SLCO6A1: variants seen among roughly 807,000 people sequenced by gnomAD.
SLCO6A1 encodes the protein cancer/testis antigen 48.
SLCO6A1 carries 65 observed loss-of-function variants against 72.7 expected under a neutral mutation model. The ratio of observed to expected loss-of-function variants is 0.89; its 90% CI spans 0.73 to 1.10. The LOEUF (loss-of-function observed/expected upper bound fraction) is 1.10, where lower values mean the gene tolerates loss of function less well. Ranked by LOEUF, SLCO6A1 falls within the 50% of genes least tolerant of loss-of-function variation. The pLI is 0.00. For missense variants in SLCO6A1, 874 were observed against 872.6 expected (o/e 1.00, Z -0.02); for synonymous variants, 314 against 298.2 (o/e 1.05, Z -0.55).
In SLCO6A1 at chr5:102,495,164, A is replaced by G. The variant is rs141893516; in HGVS notation, c.358+3323T>C. Among the ~76,000 whole-genome samples, 66 of 152,364 alleles carry G rather than the reference A, an allele frequency of 4.3e-4. No individual in the cohort carries two copies. In the East Asian group the frequency reaches 0.011, roughly 26 times the overall value. The stretch of plus-strand genomic sequence containing the variant: ...AAAAAACCAGAAACTGTATGATTCC[A>G]TGTTTATTAAATTCTAGGAAATGTA... On this transcript the variant is annotated intron_variant, in intron 1 of 13. Transcript: ENST00000506729.
chr5:102,407,177 C>G (rs796553952), intron 9 of SLCO6A1, among the ~76,000 whole-genome samples: 4 of 152,300 alleles, frequency 2.6e-5, no homozygotes, highest in African/African-American at 9.6e-5. Flanking sequence ...GCCATGTCAG[C>G]TTGCCATTGC....
intron 10 of SLCO6A1, 85 bp from the exon 11 acceptor site, chr5:102,391,130 T>C (rs962411651): frequency 7.6e-6 from 10 of 1,310,466 alleles, no homozygotes; most frequent in Admixed American, 1.8e-5. Flanking sequence ...TAATCATTTT[T>C]TTTTTCTGGT....
At chr5:102,419,337 A>G (rs1481266783) in intron 8 of SLCO6A1, among the ~76,000 whole-genome samples, 1 of 152,160 alleles carries the variant, frequency 6.6e-6, no homozygotes, top group Non-Finnish European at 1.5e-5. Flanking sequence ...TTGGTTTCCA[A>G]TTCCAGTTTT....
intron 4 of SLCO6A1, 49 bp from the exon 5 acceptor site, chr5:102,459,826 A>C: frequency 6.7e-7 from 1 of 1,488,200 alleles, no homozygotes; most frequent in Admixed American, 2.3e-5. Flanking sequence ...GTATTTGATT[A>C]CAACAAAACC....
intron 8 of SLCO6A1, among the ~76,000 whole-genome samples, chr5:102,417,970 G>A (rs911662961): frequency 6.7e-6 from 1 of 150,368 alleles, no homozygotes; most frequent in Non-Finnish European, 1.5e-5. Flanking sequence ...ACTCCAGCTT[G>A]GGTGACAAGA....
chr5:102,438,845 C>T, intron 6 of SLCO6A1, 84 bp from the exon 7 acceptor site: 1 of 1,008,486 alleles, frequency 9.9e-7, no homozygotes. Flanking sequence ...AATGATCTGT[C>T]TACAAAAATT....
At chr5:102,456,564 C>A (rs1750727477) in intron 6 of SLCO6A1, among the ~76,000 whole-genome samples, 1 of 152,150 alleles carries the variant, frequency 6.6e-6, no homozygotes, top group South Asian at 2.1e-4. Flanking sequence ...AGAACCTCTT[C>A]AAGGAGAACT....
chr5:102,482,750 T>A (rs375867511), intron 1 of SLCO6A1, among the ~76,000 whole-genome samples: 11 of 152,234 alleles, frequency 7.2e-5, no homozygotes, highest in Non-Finnish European at 1.6e-4. Context: ...CTGCTTTATA[T>A]GGCATTCATT....
chr5:102,438,747 A>C lies in SLCO6A1; in HGVS notation c.1146T>G (p.Asn382Lys), dbSNP rs901556552. The C allele has an allele frequency of 6.5e-7, 1 of 1,541,714 alleles. No individual in the cohort carries two copies. Among genetic ancestry groups the C allele is most frequent in the African/African-American group, 1.4e-5 (1 of 71,192 alleles). The change falls in exon 7 of 14, where the codon AAT (asparagine) becomes AAG (lysine). Residue 382 changes from asparagine (N) to lysine (K), a missense_variant. By Grantham distance (94) the Asn-to-Lys change is moderately conservative. Transcript: ENST00000506729. ...ACAGAGCTAGGCATATGAGCACTGGATTCTTCATCAGAATCTGAAATAAAA... is the reference window on the plus strand; with the variant it reads ...ACAGAGCTAGGCATATGAGCACTGGCTTCTTCATCAGAATCTGAAATAAAA... The part of the protein sequence containing the change: ...LCAALWILMK[N>K]PVLICLALSK...
chr5:102,489,100 C>A (rs1277584980), intron 1 of SLCO6A1, among the ~76,000 whole-genome samples: 5 of 152,180 alleles, frequency 3.3e-5, no homozygotes, highest in Non-Finnish European at 1.5e-5. Context: ...TTTAAAAAGT[C>A]ATCAAGAAAT....
At chr5:102,466,550 T>G (rs762904281) in intron 4 of SLCO6A1, among the ~76,000 whole-genome samples, 7 of 152,186 alleles carry the variant, frequency 4.6e-5, no homozygotes, top group Non-Finnish European at 8.8e-5. Context: ...GTAATAGGAT[T>G]GCTAGGCTGA....
Position 102,498,617 on chromosome 5 carries a change from C to T in SLCO6A1, c.228G>A (p.Lys76=), listed in dbSNP as rs778557731. ...AACTGTCATCCACTTCTCCCGGCTT[C>T]TTGGAAACTGAGGACTTGGCTTTTT... ...KRKKAKSSVS[K]KPGEVDDSLE... Residue 76 remains lysine (K), a synonymous_variant, in exon 1 of 14, where the codon AAG becomes AAA. Transcript: ENST00000506729. The T allele has an allele frequency of 1.2e-6, 2 of 1,614,264 alleles. No homozygotes were observed. The highest frequency in any genetic ancestry group is 1.7e-5 in the Admixed American group (1 of 60,034).
At chr5:102,417,657 A>T (rs1217421645) in intron 8 of SLCO6A1, among the ~76,000 whole-genome samples, 1 of 152,226 alleles carries the variant, frequency 6.6e-6, no homozygotes, top group Non-Finnish European at 1.5e-5. Flanking sequence ...AATTTTAAAA[A>T]TGTATATTTA....
intron 12 of SLCO6A1, 66 bp downstream of exon 12, chr5:102,388,622 C>T: frequency 8.7e-7 from 1 of 1,155,142 alleles, no homozygotes; most frequent in Non-Finnish European, 1.2e-6. Flanking sequence ...TTCTACATTA[C>T]TATTAACAAC....
intron 1 of SLCO6A1, 81 bp downstream of exon 1, chr5:102,498,406 C>A (rs1753005539): frequency 7.2e-7 from 1 of 1,383,096 alleles, no homozygotes; most frequent in Non-Finnish European, 9.9e-7. Flanking sequence ...CCAGGGCGTC[C>A]TCCGCCATAC....
At position 102,376,000 on chromosome 5, in the gene SLCO6A1, T is replaced by G. The variant is rs183490724; in HGVS notation, c.2018-2506A>C. On this transcript the variant is annotated intron_variant, in intron 12 of 13. Coordinates refer to ENST00000506729, the MANE Select transcript of SLCO6A1 (RefSeq NM_173488.5). ...AAAACCATACTTAGGCACATTGTAG[T>G]CAATTTAACAAGAGTCAGACAAAAT... is the stretch of plus-strand genomic sequence containing the variant. 1.2e-4 allele frequency among the ~76,000 whole-genome samples: 18 copies of G among 152,204 alleles called. No homozygotes were observed. The East Asian group carries it at 2.9e-3, about 24-fold the overall frequency.
At chr5:102,451,007 C>T (rs180683851) in intron 6 of SLCO6A1, among the ~76,000 whole-genome samples, 4 of 152,292 alleles carry the variant, frequency 2.6e-5, no homozygotes, top group Admixed American at 6.5e-5. Context: ...GCAGAGCCAT[C>T]ATCAACTGAA....
chr5:102,414,788 A>G (rs1297554873), intron 8 of SLCO6A1, among the ~76,000 whole-genome samples: 1 of 152,160 alleles, frequency 6.6e-6, no homozygotes, highest in Non-Finnish European at 1.5e-5. Flanking sequence ...CCAGCTACTT[A>G]GCAGGCTGAG....
At chr5:102,481,167 T>C (rs949473328) in intron 1 of SLCO6A1, among the ~76,000 whole-genome samples, 1 of 152,156 alleles carries the variant, frequency 6.6e-6, no homozygotes, top group East Asian at 1.9e-4. Flanking sequence ...GCAACCAAAG[T>C]TACTGGTGCA....
Sources: allele counts gnomAD v4.1 joint callset (sites outside exome capture counted in the v4.1 genomes callset), GRCh38; gene constraint gnomAD v4.1.1; transcripts MANE v1.5; gene names NCBI Gene and HGNC (gene_info 2026-07-23, HGNC 2026-07-21).